Variants in CACNA2D1 observed in about 807,000 individuals in gnomAD.
CACNA2D1 encodes voltage-dependent calcium channel subunit alpha-2/delta-1.
CACNA2D1 carries 53 observed loss-of-function variants against 171.5 expected under a neutral mutation model. That is an observed-to-expected ratio of 0.31 (90% CI 0.25 to 0.39). CACNA2D1 has a LOEUF of 0.39. Among genes scored for constraint, CACNA2D1 ranks in the 10% least tolerant of loss-of-function variants. CACNA2D1 has a pLI of 1.00. For missense variants in CACNA2D1, 903 were observed against 1,299.8 expected (o/e 0.69, Z 4.69); for synonymous variants, 442 against 443.1 (o/e 1.00, Z 0.03).
chr7:82,122,073 T>TA (rs748016267), intron 5 of CACNA2D1, among the ~76,000 whole-genome samples: 4 of 152,116 alleles, frequency 2.6e-5, no homozygotes, highest in Non-Finnish European at 5.9e-5. Context: ...TTATGATGTA[T>TA]AAAAGAGAAG....
rs28687810 is a variant in CACNA2D1, at chr7:82,022,064, G to C, written c.1144-7585C>G. Among the ~76,000 whole-genome samples, 879 of 151,968 alleles carry C rather than the reference G, an allele frequency of 5.8e-3. 14 individuals are homozygous for C. The highest frequency in any genetic ancestry group is 0.02 in the African/African-American group (847 of 41,488). ...AATACTTAACCTCATTTTTCATTCA[G>C]TTTGTTTTAGATATTAAAAGGACTT... On this transcript the variant is annotated intron_variant, in intron 12 of 38. Transcript: ENST00000356860.
intron 3 of CACNA2D1, among the ~76,000 whole-genome samples, chr7:82,307,140 A>T (rs2129430463): frequency 6.6e-6 from 1 of 152,210 alleles, no homozygotes; most frequent in African/African-American, 2.4e-5. Context: ...AAAAATAAAC[A>T]TTTATAAGAA....
chr7:82,104,150 T>C (rs1207760633), intron 6 of CACNA2D1, among the ~76,000 whole-genome samples: 2 of 152,008 alleles, frequency 1.3e-5, no homozygotes, highest in East Asian at 3.9e-4. Context: ...TTGAGCAAAT[T>C]TAATTAATTG....
intron 3 of CACNA2D1, among the ~76,000 whole-genome samples, chr7:82,294,978 T>C (rs1042445560): frequency 6.6e-6 from 1 of 152,184 alleles, no homozygotes; most frequent in Non-Finnish European, 1.5e-5. Flanking sequence ...AGTTATAATT[T>C]GTCAATATTT....
At chr7:81,997,988 T>C (rs1798222285) in intron 18 of CACNA2D1, among the ~76,000 whole-genome samples, 1 of 151,876 alleles carries the variant, frequency 6.6e-6, no homozygotes, top group Non-Finnish European at 1.5e-5. Context: ...GAAAGAACAC[T>C]GGGGAATAAG....
At chr7:82,007,475 T>G (rs1562859558) in intron 16 of CACNA2D1, among the ~76,000 whole-genome samples, 1 of 152,160 alleles carries the variant, frequency 6.6e-6, no homozygotes, top group Non-Finnish European at 1.5e-5. Context: ...TTAAGTTGAA[T>G]CTTGGCTCTA....
At chr7:82,154,467 C>T (rs1794167160) in intron 4 of CACNA2D1, among the ~76,000 whole-genome samples, 1 of 151,858 alleles carries the variant, frequency 6.6e-6, no homozygotes, top group Non-Finnish European at 1.5e-5. Context: ...CACACCAGGG[C>T]CTGTTGTGTG....
At chr7:82,182,827 G>A (rs1384113106) in intron 3 of CACNA2D1, among the ~76,000 whole-genome samples, 1 of 151,934 alleles carries the variant, frequency 6.6e-6, no homozygotes, top group Non-Finnish European at 1.5e-5. Flanking sequence ...CACGAAGTCG[G>A]GAGTTCGAGA....
chr7:82,212,404 C>T (rs992500524), intron 3 of CACNA2D1, among the ~76,000 whole-genome samples: 1 of 152,152 alleles, frequency 6.6e-6, no homozygotes, highest in East Asian at 1.9e-4. Flanking sequence ...TGAATTTTAT[C>T]TAGCAATCCT....
Position 82,060,228 on chromosome 7 carries a change from T to C in CACNA2D1, c.879+200A>G, listed in dbSNP as rs11977563. ...ATATATATAATATATATATAATATA[T>C]ATATATAATATGTATAAAAAACCTT... On this transcript the variant is annotated intron_variant, in intron 10 of 38. Coordinates refer to ENST00000356860, the MANE Select transcript of CACNA2D1 (RefSeq NM_000722.4). Among the ~76,000 whole-genome samples the C allele has an allele frequency of 0.038, 2,652 of 69,542 alleles. 429 individuals carry two copies. The highest frequency in any genetic ancestry group is 0.11 in the African/African-American group (2,447 of 21,962). 45.6% of individuals were successfully genotyped at this position (69,542 alleles called of 152,430 possible).
At chr7:82,152,771 G>A (rs951157834) in intron 4 of CACNA2D1, among the ~76,000 whole-genome samples, 5 of 151,796 alleles carry the variant, frequency 3.3e-5, no homozygotes, top group African/African-American at 2.4e-5. Flanking sequence ...AGGCCAAGGT[G>A]TATTTCTGTT....
At chr7:82,127,327 C>T (rs1287564386) in intron 5 of CACNA2D1, among the ~76,000 whole-genome samples, 1 of 152,116 alleles carries the variant, frequency 6.6e-6, no homozygotes, top group African/African-American at 2.4e-5. Flanking sequence ...TTTATTATTT[C>T]CTCTCTTCAT....
intron 3 of CACNA2D1, among the ~76,000 whole-genome samples, chr7:82,178,481 G>A (rs1242946199): frequency 1.3e-5 from 2 of 152,046 alleles, no homozygotes; most frequent in Admixed American, 1.3e-4. Flanking sequence ...CACCTGCAAT[G>A]AATTACGTGT....
intron 7 of CACNA2D1, among the ~76,000 whole-genome samples, chr7:82,066,821 G>A (rs1201402811): frequency 1.3e-5 from 2 of 151,980 alleles, no homozygotes; most frequent in African/African-American, 4.8e-5. Flanking sequence ...GGTGTCCAGA[G>A]GTTATAATTT....
chr7:82,133,784 C>G (rs1791280045), intron 5 of CACNA2D1, among the ~76,000 whole-genome samples: 2 of 152,010 alleles, frequency 1.3e-5, no homozygotes, highest in South Asian at 4.1e-4. Flanking sequence ...CTTAAAGAAT[C>G]ATGCAGGGCC....
At chr7:82,432,559 T>C (rs993720685) in intron 1 of CACNA2D1, among the ~76,000 whole-genome samples, 2 of 152,260 alleles carry the variant, frequency 1.3e-5, no homozygotes, top group South Asian at 2.1e-4. Flanking sequence ...CAGGCAAGAT[T>C]TGAACTCCTG....
chr7:82,390,205 G>C (rs931976872), intron 1 of CACNA2D1, among the ~76,000 whole-genome samples: 1 of 152,122 alleles, frequency 6.6e-6, no homozygotes, highest in Non-Finnish European at 1.5e-5. Context: ...TCCTTTCTAA[G>C]GTCTTAACCT....
chr7:81,967,106 G>T, intron 31 of CACNA2D1, 63 bp downstream of exon 31: 1 of 1,260,592 alleles, frequency 7.9e-7, no homozygotes, highest in Non-Finnish European at 1.2e-6. Context: ...CATCACTATA[G>T]TCTTAGCAAG....
intron 1 of CACNA2D1, among the ~76,000 whole-genome samples, chr7:82,438,049 A>T (rs1830235533): frequency 6.6e-6 from 1 of 152,214 alleles, no homozygotes; most frequent in African/African-American, 2.4e-5. Flanking sequence ...AACTGTCTTT[A>T]GAATCACTTT....
Sources: allele counts gnomAD v4.1 joint callset (sites outside exome capture counted in the v4.1 genomes callset), GRCh38; gene constraint gnomAD v4.1.1; transcripts MANE v1.5; gene names NCBI Gene and HGNC (gene_info 2026-07-23, HGNC 2026-07-21).